Variants in RAP1GDS1 observed in about 807,000 individuals in gnomAD.
RAP1GDS1 encodes RAP1, GTP-GDP dissociation stimulator 1.
RAP1GDS1 carries 35 observed loss-of-function variants against 71.1 expected under a neutral mutation model. The ratio of observed to expected loss-of-function variants is 0.49; its 90% CI spans 0.38 to 0.65. The LOEUF is 0.65. RAP1GDS1 is among the 30% of genes least tolerant of loss of function. The pLI is 0.00. For missense variants in RAP1GDS1, 663 were observed against 706.1 expected (o/e 0.94, Z 0.69); for synonymous variants, 229 against 243.1 (o/e 0.94, Z 0.54).
Position 98,293,401 on chromosome 4 carries a change from TAAG to T in RAP1GDS1, c.5-6_5-4del. On this transcript the variant is annotated splice_polypyrimidine_tract_variant and splice_region_variant and intron_variant, in intron 1 of 14. Transcript: ENST00000408927. Reference sequence around the variant, plus strand: ...TGAGTTTCTGATTTTTTTTTTTCTTTAAGCAGATAATCTCAGTGATACCTTGAA... The same window carrying T: ...TGAGTTTCTGATTTTTTTTTTTCTTTCAGATAATCTCAGTGATACCTTGAA... The T allele has an allele frequency of 6.3e-7, 1 of 1,576,874 alleles. No individual in the cohort carries two copies. Among genetic ancestry groups the T allele is most frequent in the African/African-American group, 1.4e-5 (1 of 72,868 alleles).
At chr4:98,438,054 C>T (rs1561022083) in intron 14 of RAP1GDS1, among the ~76,000 whole-genome samples, 1 of 152,004 alleles carries the variant, frequency 6.6e-6, no homozygotes, top group Admixed American at 6.6e-5. Context: ...ACCTATTTCT[C>T]CTTTCAGTTC....
At chr4:98,386,704 G>A (rs1020538858) in intron 5 of RAP1GDS1, among the ~76,000 whole-genome samples, 1 of 151,660 alleles carries the variant, frequency 6.6e-6, no homozygotes, top group African/African-American at 2.4e-5. Context: ...TTAAACACAT[G>A]TAAGTAATCT....
chr4:98,423,282 C>T (rs1324274241), intron 12 of RAP1GDS1, among the ~76,000 whole-genome samples: 1 of 152,128 alleles, frequency 6.6e-6, no homozygotes, highest in Admixed American at 6.5e-5. Context: ...CAGGCAAAGA[C>T]AGCAGGATGT....
chr4:98,323,740 T>G (rs2110347189), intron 2 of RAP1GDS1, among the ~76,000 whole-genome samples: 1 of 150,800 alleles, frequency 6.6e-6, no homozygotes, highest in South Asian at 2.1e-4. Flanking sequence ...TGCTAAAAAC[T>G]CTCAATAAAT....
intron 3 of RAP1GDS1, among the ~76,000 whole-genome samples, chr4:98,345,937 C>A (rs1578523420): frequency 6.6e-6 from 1 of 152,218 alleles, no homozygotes; most frequent in Non-Finnish European, 1.5e-5. Context: ...TGTATAAAAA[C>A]CAGCAAAAGT....
At chr4:98,432,461 AG>A (rs1750560403) in intron 12 of RAP1GDS1, among the ~76,000 whole-genome samples, 1 of 152,176 alleles carries the variant, frequency 6.6e-6, no homozygotes, top group African/African-American at 2.4e-5. Context: ...TAAATTGGGG[AG>A]GTTAGAAAAA....
intron 4 of RAP1GDS1, among the ~76,000 whole-genome samples, chr4:98,370,291 A>C (rs1740177261): frequency 6.6e-6 from 1 of 152,218 alleles, no homozygotes. Flanking sequence ...ATTTAAAATA[A>C]GGAAATTTTA....
intron 12 of RAP1GDS1, among the ~76,000 whole-genome samples, chr4:98,431,002 T>C (rs1324159385): frequency 6.6e-6 from 1 of 152,204 alleles, no homozygotes. Flanking sequence ...CTAGGACTGC[T>C]GACCAACTAG....
Position 98,352,575 on chromosome 4 carries a change from C to G in RAP1GDS1, c.335C>G (p.Ala112Gly). ...DQEVLLQTGR[A>G]LGNICYDSHE... Reference sequence around the variant, plus strand: ...GAAGTGCTGCTTCAAACGGGCAGGGCTCTAGGAAACATATGTTACGATAGC... The same window carrying G: ...GAAGTGCTGCTTCAAACGGGCAGGGGTCTAGGAAACATATGTTACGATAGC... The change falls in exon 4 of 15, where the codon GCT becomes GGT. Residue 112 changes from alanine to glycine, a missense_variant. Ala to Gly is a moderately conservative substitution (Grantham distance 60). Transcript: ENST00000408927. 1.2e-6 allele frequency: 2 copies of G among 1,613,922 alleles called. No individual in the cohort carries two copies. The highest frequency in any genetic ancestry group is 1.7e-6 in the Non-Finnish European group (2 of 1,179,924).
intron 2 of RAP1GDS1, among the ~76,000 whole-genome samples, chr4:98,321,507 A>G (rs996328713): frequency 1.4e-5 from 2 of 140,030 alleles, no homozygotes; most frequent in Non-Finnish European, 1.6e-5. Context: ...AAAAATGTTA[A>G]GGGCAGCCAG....
intron 12 of RAP1GDS1, among the ~76,000 whole-genome samples, chr4:98,429,587 T>C (rs1234705476): frequency 5.3e-5 from 8 of 152,120 alleles, no homozygotes. Flanking sequence ...ATCTCACAAA[T>C]CACCACTAAA....
intron 2 of RAP1GDS1, among the ~76,000 whole-genome samples, chr4:98,336,873 G>T (rs897391764): frequency 2.6e-5 from 4 of 151,094 alleles, no homozygotes; most frequent in African/African-American, 9.7e-5. Context: ...TTCATTCTGG[G>T]TTTTTTTTGT....
chr4:98,398,992 C>G (rs1048014887), intron 6 of RAP1GDS1, among the ~76,000 whole-genome samples: 9 of 152,104 alleles, frequency 5.9e-5, no homozygotes, highest in African/African-American at 2.2e-4. Context: ...AACGGTCATA[C>G]TATTCAAAGC....
chr4:98,435,058 T>G (rs955281824), intron 13 of RAP1GDS1, among the ~76,000 whole-genome samples: 34 of 152,218 alleles, frequency 2.2e-4, no homozygotes, highest in African/African-American at 8.2e-4. Context: ...TAGAGTCACG[T>G]GGCCTGTGGT....
At chr4:98,379,843 T>G (rs1741727870) in intron 5 of RAP1GDS1, among the ~76,000 whole-genome samples, 1 of 151,936 alleles carries the variant, frequency 6.6e-6, no homozygotes, top group Non-Finnish European at 1.5e-5. Context: ...ACTGTGTGGA[T>G]CAGACATTCA....
At chr4:98,433,579 T>C (rs1464035633) in intron 12 of RAP1GDS1, among the ~76,000 whole-genome samples, 1 of 152,182 alleles carries the variant, frequency 6.6e-6, no homozygotes, top group Admixed American at 6.5e-5. Flanking sequence ...CGTGCCCAGC[T>C]GAGAACTTTT....
At chr4:98,369,910 A>T in intron 4 of RAP1GDS1, among the ~76,000 whole-genome samples, 1 of 152,164 alleles carries the variant, frequency 6.6e-6, no homozygotes, top group East Asian at 1.9e-4. Context: ...AAGGTACACA[A>T]TTTTTGTTTC....
chr4:98,393,187 T>C lies in RAP1GDS1; in HGVS notation c.637+1107T>C, dbSNP rs1028298510. On this transcript the variant is annotated intron_variant, in intron 6 of 14. Coordinates refer to ENST00000408927, the MANE Select transcript of RAP1GDS1 (RefSeq NM_001100427.2). ...TCTATAAATAAAAGCATGAAGTCAC[T>C]AGTCTTGGTTTTTCTAACTGAAAGC... Among the ~76,000 whole-genome samples the C allele has an allele frequency of 1.7e-4, 26 of 152,204 alleles. 1 individual carries two copies.
At position 98,354,648 on chromosome 4, in the gene RAP1GDS1, A is replaced by G. The variant is rs146384869; in HGVS notation, c.361+2047A>G. ...GAAGTCCATTATTATAGTATTTATC[A>G]TATCTATTTATCTTATGGGATATAC... On this transcript the variant is annotated intron_variant, in intron 4 of 14. Transcript: ENST00000408927. 1.1e-3 allele frequency among the ~76,000 whole-genome samples: 162 copies of G among 152,222 alleles called. 1 individual carries two copies. The highest frequency in any genetic ancestry group is 3.8e-3 in the African/African-American group (157 of 41,550).
Sources: allele counts gnomAD v4.1 joint callset (sites outside exome capture counted in the v4.1 genomes callset), GRCh38; gene constraint gnomAD v4.1.1; transcripts MANE v1.5; gene names NCBI Gene and HGNC (gene_info 2026-07-23, HGNC 2026-07-21).